Variants in ADGRL2 observed in about 807,000 individuals in gnomAD.
ADGRL2 encodes calcium-independent alpha-latrotoxin receptor 2.
A neutral mutation model predicts 157.4 loss-of-function variants in ADGRL2; 44 were observed. That is an observed-to-expected ratio of 0.28 (90% CI 0.22 to 0.36). The LOEUF (loss-of-function observed/expected upper bound fraction) is 0.36. ADGRL2 is among the 10% of genes least tolerant of loss of function. ADGRL2 has a pLI of 1.00. For synonymous variants in ADGRL2, 585 were observed against 624.7 expected, an observed-to-expected ratio of 0.94 and a Z score of 0.95; for missense variants, 1,510 against 1,768.9, an observed-to-expected ratio of 0.85 and a Z score of 2.63.
At chr1:81,408,335 C>A (rs1382263970) in intron 1 of ADGRL2, among the ~76,000 whole-genome samples, 1 of 151,874 alleles carries the variant, frequency 6.6e-6, no homozygotes, top group Non-Finnish European at 1.5e-5. Context: ...TAAATTTCTT[C>A]CTATTTCTTC....
At chr1:81,569,428 A>G (rs1442522325) in intron 2 of ADGRL2, among the ~76,000 whole-genome samples, 2 of 152,194 alleles carry the variant, frequency 1.3e-5, no homozygotes, top group Non-Finnish European at 2.9e-5. Context: ...GTAAACTTTT[A>G]TTACCATAGA....
intron 18 of ADGRL2, chr1:81,980,670 T>A (rs1450474328): frequency 2.1e-6 from 1 of 466,726 alleles, no homozygotes; most frequent in Non-Finnish European, 4.0e-6. Flanking sequence ...AATTTTTTTT[T>A]AATTAGATGT....
At chr1:81,467,046 T>TAAA (rs550364036) in intron 2 of ADGRL2, among the ~76,000 whole-genome samples, 1 of 130,638 alleles carries the variant, frequency 7.7e-6, no homozygotes, top group South Asian at 2.8e-4. Context: ...AAGCTACAGT[T>TAAA]AAAAAAAAAA....
At chr1:81,558,547 A>G (rs1190706856) in intron 2 of ADGRL2, among the ~76,000 whole-genome samples, 2 of 152,162 alleles carry the variant, frequency 1.3e-5, no homozygotes, top group South Asian at 2.1e-4. Context: ...ATTTGAGTGC[A>G]GACATTCCTT....
At chr1:81,723,177 G>A in intron 1 of ADGRL2, 1 of 522,650 alleles carries the variant, frequency 1.9e-6, no homozygotes, top group Non-Finnish European at 3.5e-6. Flanking sequence ...CTCATCAAGA[G>A]AGCTGGGGTG....
intron 1 of ADGRL2, among the ~76,000 whole-genome samples, chr1:81,758,610 C>A (rs1435131346): frequency 6.6e-6 from 1 of 152,156 alleles, no homozygotes. Flanking sequence ...AAGTAGCTCA[C>A]CTTAATTCCT....
chr1:81,918,389 C>T (rs2094907210), intron 3 of ADGRL2, among the ~76,000 whole-genome samples: 1 of 151,230 alleles, frequency 6.6e-6, no homozygotes, highest in Non-Finnish European at 1.5e-5. Context: ...TCATTCATTA[C>T]ATATATATAT....
At chr1:81,496,466 A>T (rs1400125839) in intron 2 of ADGRL2, among the ~76,000 whole-genome samples, 1 of 152,140 alleles carries the variant, frequency 6.6e-6, no homozygotes, top group Non-Finnish European at 1.5e-5. Context: ...TCACCTAGTG[A>T]CCACCTCTTC....
intron 2 of ADGRL2, chr1:81,502,612 C>T: frequency 1.2e-6 from 2 of 1,614,030 alleles, no homozygotes; most frequent in South Asian, 1.1e-5. Flanking sequence ...TCACCAAAGG[C>T]CTAAACCTGC....
At chr1:81,370,982 G>A (rs1557635654) in intron 1 of ADGRL2, among the ~76,000 whole-genome samples, 1 of 152,062 alleles carries the variant, frequency 6.6e-6, no homozygotes, top group Non-Finnish European at 1.5e-5. Context: ...GCGTTTAATG[G>A]GAATTTTCAG....
intron 1 of ADGRL2, among the ~76,000 whole-genome samples, chr1:81,428,140 T>C (rs1482440118): frequency 6.6e-6 from 1 of 152,192 alleles, no homozygotes; most frequent in Non-Finnish European, 1.5e-5. Context: ...AAACATTTGC[T>C]GACTTGCAAT....
At chr1:81,394,325 A>G (rs1243992809) in intron 1 of ADGRL2, among the ~76,000 whole-genome samples, 1 of 152,124 alleles carries the variant, frequency 6.6e-6, no homozygotes, top group Non-Finnish European at 1.5e-5. Flanking sequence ...ATTTAGCTGT[A>G]ATTTTGCCTC....
intron 2 of ADGRL2, among the ~76,000 whole-genome samples, chr1:81,556,312 A>ATTTTTTTTTTTTTT (rs145670261): frequency 1.1e-5 from 1 of 87,132 alleles, no homozygotes; most frequent in Non-Finnish European, 2.0e-5. Context: ...GGCTGTCACA[A>ATTTTTTTTTTTTTT]TTTTTTTTTT....
intron 1 of ADGRL2, among the ~76,000 whole-genome samples, chr1:81,811,874 T>G (rs2089907602): frequency 6.7e-6 from 1 of 148,412 alleles, no homozygotes; most frequent in South Asian, 2.1e-4. Flanking sequence ...CCGGGCAGCT[T>G]TTTTTTTTTG....
intron 3 of ADGRL2, 35 bp from the exon 4 acceptor site, chr1:81,936,693 T>G (rs1161542305): frequency 1.8e-6 from 2 of 1,132,578 alleles, no homozygotes; most frequent in Non-Finnish European, 2.6e-6. Flanking sequence ...TCAAATAAAT[T>G]ATGTTACACA....
chr1:81,635,510 A>G (rs2148776555), intron 3 of ADGRL2, among the ~76,000 whole-genome samples: 1 of 152,334 alleles, frequency 6.6e-6, no homozygotes, highest in African/African-American at 2.4e-5. Context: ...TGTTTCTCAC[A>G]GTTCTGAAGG....
intron 2 of ADGRL2, among the ~76,000 whole-genome samples, chr1:81,504,602 C>G (rs878880055): frequency 2.0e-5 from 3 of 152,166 alleles, no homozygotes; most frequent in South Asian, 4.1e-4. Flanking sequence ...TTCCCTCAAG[C>G]CCAGTGAGGA....
chr1:81,871,091 C>G (rs867751753), intron 2 of ADGRL2, among the ~76,000 whole-genome samples: 1 of 119,676 alleles, frequency 8.4e-6, no homozygotes, highest in African/African-American at 3.1e-5. Flanking sequence ...CCCCCTCCCC[C>G]CACCCCCAAC....
chr1:81,734,606 A>G (rs2084834374), intron 1 of ADGRL2, among the ~76,000 whole-genome samples: 1 of 147,484 alleles, frequency 6.8e-6, no homozygotes, highest in Admixed American at 6.8e-5. Context: ...AGCCACAGGA[A>G]ACGAATACAG....
Sources: gnomAD v4.1 joint callset for allele counts (sites outside exome capture counted in the v4.1 genomes callset) on GRCh38, gnomAD v4.1.1 for gene constraint, MANE v1.5 for transcripts, NCBI Gene and HGNC (gene_info 2026-07-23, HGNC 2026-07-21) for gene names.